Variants in TMEM135 observed in about 807,000 individuals in gnomAD.
The protein encoded by TMEM135 is peroxisomal membrane protein 52.
TMEM135 carries 30 observed loss-of-function variants against 60.3 expected under a neutral mutation model. The ratio of observed to expected loss-of-function variants is 0.50; its 90% confidence interval spans 0.37 to 0.68. The LOEUF (loss-of-function observed/expected upper bound fraction) is 0.68. TMEM135 is among the 30% of genes least tolerant of loss of function. The pLI, the probability that TMEM135 is intolerant of heterozygous loss-of-function variation, is 0.00. For missense variants in TMEM135, 468 were observed against 548.8 expected (o/e 0.85, Z 1.47); for synonymous variants, 190 against 186.7 (o/e 1.02, Z -0.14).
At chr11:87,197,127 C>A (rs954919418) in intron 5 of TMEM135, among the ~76,000 whole-genome samples, 1 of 151,990 alleles carries the variant, frequency 6.6e-6, no homozygotes, top group East Asian at 1.9e-4. Flanking sequence ...GAAAAAAATA[C>A]AAGATGTCTG....
At chr11:87,112,274 A>T (rs1450920496) in intron 4 of TMEM135, among the ~76,000 whole-genome samples, 1 of 152,212 alleles carries the variant, frequency 6.6e-6, no homozygotes, top group South Asian at 2.1e-4. Context: ...ACTTTTAGGA[A>T]TTAAATTATT....
In TMEM135 at chr11:87,322,078, G is replaced by A. The variant is rs1256199881; in HGVS notation, c.*745G>A. On this transcript the variant is annotated 3_prime_UTR_variant, in exon 15 of 15. Coordinates refer to ENST00000305494, the MANE Select transcript of TMEM135 (RefSeq NM_022918.4). Reference sequence around the variant, plus strand: ...TGGACACATCCGATAAAGTTGAAATGTATGTTTTAATCTTTCACAGAAGTA... The same window carrying A: ...TGGACACATCCGATAAAGTTGAAATATATGTTTTAATCTTTCACAGAAGTA... 4.4e-6 allele frequency: 2 copies of A among 454,284 alleles called. No homozygotes were observed. The highest frequency in any genetic ancestry group is 4.0e-5 in the African/African-American group (2 of 49,994). 28.1% of individuals were successfully genotyped at this position (454,284 alleles called of 1,614,324 possible).
chr11:87,059,760 A>G (rs1472460652), intron 1 of TMEM135, among the ~76,000 whole-genome samples: 1 of 152,238 alleles, frequency 6.6e-6, no homozygotes, highest in African/African-American at 2.4e-5. Flanking sequence ...AATGCCTACT[A>G]TGTGCTAGTT....
intron 4 of TMEM135, among the ~76,000 whole-genome samples, chr11:87,128,339 T>C (rs655050): frequency 0.48 from 72,471 of 151,934 alleles, 17,583 homozygotes; most frequent in East Asian, 0.67. Flanking sequence ...TTGTATTCCT[T>C]TGACTCCAGA....
At position 87,190,706 on chromosome 11, in the gene TMEM135, A is replaced by G. The variant is rs1390525486; in HGVS notation, c.462+33300A>G. On this transcript the variant is annotated intron_variant, in intron 5 of 14. Coordinates refer to ENST00000305494, the MANE Select transcript of TMEM135 (RefSeq NM_022918.4). ...AGGTCCTTGGAGAGTGACCTGAAAG[A>G]GAAAGACAGCAGCAGATATTTGATG... 2.0e-5 allele frequency among the ~76,000 whole-genome samples: 3 copies of G among 152,182 alleles called. No homozygotes were observed. In the East Asian group the frequency reaches 5.8e-4, roughly 29 times the overall value.
intron 5 of TMEM135, among the ~76,000 whole-genome samples, chr11:87,200,092 C>G (rs1940059825): frequency 6.6e-6 from 1 of 152,046 alleles, no homozygotes; most frequent in African/African-American, 2.4e-5. Context: ...TTAAAAAGCT[C>G]TCATTGAAAT....
intron 13 of TMEM135, 128 bp from the exon 14 acceptor site, chr11:87,319,182 T>A (rs1051042261): frequency 3.7e-6 from 3 of 819,602 alleles, no homozygotes; most frequent in Non-Finnish European, 6.3e-6. Context: ...AGCAACATTT[T>A]TATTTGAAGG....
chr11:87,215,800 T>A (rs923613179), intron 5 of TMEM135, among the ~76,000 whole-genome samples: 1 of 152,214 alleles, frequency 6.6e-6, no homozygotes, highest in Non-Finnish European at 1.5e-5. Flanking sequence ...TTATTGATGC[T>A]TTACTTTTCC....
At chr11:87,087,939 T>C (rs1314174896) in intron 3 of TMEM135, among the ~76,000 whole-genome samples, 1 of 152,134 alleles carries the variant, frequency 6.6e-6, no homozygotes, top group Non-Finnish European at 1.5e-5. Context: ...GGTTTCTTCA[T>C]GTTGGTCAGG....
intron 4 of TMEM135, among the ~76,000 whole-genome samples, chr11:87,120,504 C>CTTTT: frequency 8.3e-6 from 1 of 119,776 alleles, no homozygotes; most frequent in Non-Finnish European, 1.6e-5. Context: ...CAGAGTTTCG[C>CTTTT]TCTGTCACCC....
chr11:87,190,658 C>T (rs546371966), intron 5 of TMEM135, among the ~76,000 whole-genome samples: 13 of 152,152 alleles, frequency 8.5e-5, no homozygotes, highest in Non-Finnish European at 1.8e-4. Context: ...TGAAGGCTAC[C>T]AGTATCACAG....
At chr11:87,177,495 A>G (rs1325381172) in intron 5 of TMEM135, among the ~76,000 whole-genome samples, 1 of 152,186 alleles carries the variant, frequency 6.6e-6, no homozygotes, top group East Asian at 1.9e-4. Flanking sequence ...TTGTGGTATA[A>G]TAGCCATAAG....
chr11:87,236,698 T>C lies in TMEM135; in HGVS notation c.509+14T>C, dbSNP rs1421273373. On this transcript the variant is annotated intron_variant, in intron 6 of 14. Coordinates refer to ENST00000305494, the MANE Select transcript of TMEM135 (RefSeq NM_022918.4). Reference sequence around the variant, plus strand: ...GTTCTTTTTCAGGTATGTTCTGTTATACTTATTTACTTTAATACCCCAAAC... The same window carrying C: ...GTTCTTTTTCAGGTATGTTCTGTTACACTTATTTACTTTAATACCCCAAAC... The C allele has an allele frequency of 1.9e-6, 3 of 1,608,408 alleles. No homozygotes were observed. Among genetic ancestry groups the C allele is most frequent in the East Asian group, 2.2e-5 (1 of 44,802 alleles).
chr11:87,243,797 C>T (rs1456627954), intron 6 of TMEM135, among the ~76,000 whole-genome samples: 2 of 85,168 alleles, frequency 2.3e-5, no homozygotes, highest in Non-Finnish European at 5.6e-5. Context: ...CATCTCAAAA[C>T]AGGGACAATT....
rs1425894299 is a variant in TMEM135 at position 87,246,413 on chromosome 11, G to A, written c.509+9729G>A. Among the ~76,000 whole-genome samples the A allele has an allele frequency of 4.6e-5, 7 of 151,932 alleles. No homozygotes were observed. In the South Asian group the frequency reaches 1.5e-3, roughly 32 times the overall value. On this transcript the variant is annotated intron_variant, in intron 6 of 14. Coordinates refer to ENST00000305494, the MANE Select transcript of TMEM135 (RefSeq NM_022918.4). ...AATGTTGGCCTGCCTTGCTAGATTG[G>A]GGAAGTTCTCCTGGATAATATCCTG...
At chr11:87,042,961 T>G (rs1437319596) in intron 1 of TMEM135, among the ~76,000 whole-genome samples, 1 of 149,848 alleles carries the variant, frequency 6.7e-6, no homozygotes, top group East Asian at 1.9e-4. Flanking sequence ...TTTGTTTTGT[T>G]TTTTTTTTTT....
chr11:87,212,752 A>C (rs1040934187), intron 5 of TMEM135, among the ~76,000 whole-genome samples: 1 of 151,584 alleles, frequency 6.6e-6, no homozygotes, highest in African/African-American at 2.4e-5. Flanking sequence ...GAGCCTGAGA[A>C]GCGGAGGTTG....
intron 5 of TMEM135, among the ~76,000 whole-genome samples, chr11:87,204,284 A>G (rs1940187457): frequency 6.6e-6 from 1 of 151,550 alleles, no homozygotes; most frequent in African/African-American, 2.4e-5. Context: ...TTTTTACCAA[A>G]CTCAAGCTGC....
intron 3 of TMEM135, among the ~76,000 whole-genome samples, chr11:87,079,193 A>G (rs1313696671): frequency 2.0e-5 from 3 of 151,944 alleles, no homozygotes; most frequent in Non-Finnish European, 4.4e-5. Context: ...TCTAGTATTG[A>G]TGGGGTTTCA....
Sources: gnomAD v4.1 joint callset for allele counts (sites outside exome capture counted in the v4.1 genomes callset) on GRCh38, gnomAD v4.1.1 for gene constraint, MANE v1.5 for transcripts, NCBI Gene and HGNC (gene_info 2026-07-23, HGNC 2026-07-21) for gene names.